Variants in B3GALNT2 observed in about 807,000 individuals in gnomAD.
B3GALNT2 encodes the protein UDP-GalNAc:beta-1,3-N-acetylgalactosaminyltransferase 2.
A neutral mutation model predicts 61.1 loss-of-function variants in B3GALNT2; 53 were observed. The ratio of observed to expected loss-of-function variants is 0.87; its 90% CI spans 0.70 to 1.09. The LOEUF is 1.09. Among genes scored for constraint, B3GALNT2 ranks in the 50% least tolerant of loss-of-function variants. The pLI is 0.00. For synonymous variants in B3GALNT2, 223 were observed against 237.4 expected, an observed-to-expected ratio of 0.94 and a Z score of 0.56; for missense variants, 544 against 623.0, an observed-to-expected ratio of 0.87 and a Z score of 1.35.
At chr1:235,456,992 G>A (rs986291568) in intron 8 of B3GALNT2, among the ~76,000 whole-genome samples, 8 of 152,110 alleles carry the variant, frequency 5.3e-5, no homozygotes, top group Admixed American at 4.6e-4. Flanking sequence ...CTACTCACAG[G>A]ATGAGTCCCA....
At chr1:235,484,209 C>A in intron 4 of B3GALNT2, 113 bp downstream of exon 4, 2 of 1,401,968 alleles carry the variant, frequency 1.4e-6, no homozygotes, top group Non-Finnish European at 1.9e-6. Flanking sequence ...GTGAAAGTCT[C>A]TCAACCAGAG....
In B3GALNT2 at chr1:235,480,143, G is replaced by C. The variant is rs1684491127; in HGVS notation, c.562C>G (p.Leu188Val). Residue 188 changes from leucine to valine, a missense_variant, in exon 5 of 12, where the codon CTC becomes GTC. Coordinates refer to ENST00000366600, the MANE Select transcript of B3GALNT2 (RefSeq NM_152490.5). ...GGAGGACTGAAGCGAGCAATGAAGAGGGCCTCCTACAAATTGGGAGAAAAA... is the reference window on the plus strand; with the variant it reads ...GGAGGACTGAAGCGAGCAATGAAGACGGCCTCCTACAAATTGGGAGAAAAA... Reference protein sequence around the residue: ...KLYQAEQEEALFIARFSPPSC... With the variant: ...KLYQAEQEEAVFIARFSPPSC... The C allele has an allele frequency of 1.2e-6, 2 of 1,613,494 alleles. No individual in the cohort carries two copies. Among genetic ancestry groups the C allele is most frequent in the South Asian group, 2.2e-5 (2 of 91,062 alleles).
chr1:235,481,274 A>C (rs191690385), intron 4 of B3GALNT2, among the ~76,000 whole-genome samples: 3 of 152,338 alleles, frequency 2.0e-5, no homozygotes, highest in African/African-American at 7.2e-5. Context: ...GGCAACTAGA[A>C]GTTATATCGA....
chr1:235,482,545 T>G (rs947337425), intron 4 of B3GALNT2, among the ~76,000 whole-genome samples: 5 of 152,040 alleles, frequency 3.3e-5, no homozygotes, highest in African/African-American at 4.8e-5. Context: ...ATTTTAGCTG[T>G]TTCTCACTGC....
intron 4 of B3GALNT2, among the ~76,000 whole-genome samples, chr1:235,484,094 G>A (rs1684682903): frequency 6.6e-6 from 1 of 152,112 alleles, no homozygotes; most frequent in Non-Finnish European, 1.5e-5. Flanking sequence ...TTCTAATCTA[G>A]TCAACTCCTT....
At chr1:235,497,740 G>A (rs183474361) in intron 1 of B3GALNT2, among the ~76,000 whole-genome samples, 10 of 152,068 alleles carry the variant, frequency 6.6e-5, no homozygotes, top group Admixed American at 2.6e-4. Flanking sequence ...TGCTCAGTTC[G>A]GTCTGTTTTT....
intron 1 of B3GALNT2, among the ~76,000 whole-genome samples, chr1:235,498,963 G>A (rs1170375458): frequency 6.6e-6 from 1 of 150,864 alleles, no homozygotes; most frequent in Non-Finnish European, 1.5e-5. Context: ...ATTTAGAATG[G>A]TGTAACTTTG....
rs747389723 is a variant in B3GALNT2 at position 235,450,303 on chromosome 1, C to T, written c.1406G>A (p.Gly469Glu). The change falls in exon 12 of 12, where the codon GGA becomes GAA. Residue 469 changes from glycine to glutamate, a missense_variant. Transcript: ENST00000366600. ...AGAATACTGAGGAGAAGACAGCATT[C>T]CTGTCTCACAGGTCTTCTCACACAG... The part of the protein sequence containing the change: ...LWLCEKTCET[G>E]MLSSPQYSPW... The T allele has an allele frequency of 1.2e-6, 2 of 1,613,574 alleles. No homozygotes were observed. The highest frequency in any genetic ancestry group is 2.2e-5 in the South Asian group (2 of 91,060).
At chr1:235,443,091 C>G (rs886323993), downstream of B3GALNT2, 10 of 658,100 alleles carry the variant, frequency 1.5e-5, no homozygotes, top group African/African-American at 1.8e-4. Flanking sequence ...CCCCATGCCC[C>G]CAAAAGTTCA....
At chr1:235,464,863 T>A (rs1001763052) in intron 7 of B3GALNT2, 1 of 152,192 alleles carries the variant, frequency 6.6e-6, no homozygotes, top group South Asian at 2.1e-4. Flanking sequence ...CGAATAAAAA[T>A]CACAATGAAA....
chr1:235,461,836 C>T (rs989311390), intron 7 of B3GALNT2, among the ~76,000 whole-genome samples: 1 of 152,146 alleles, frequency 6.6e-6, no homozygotes, highest in African/African-American at 2.4e-5. Context: ...TTTAGACTTA[C>T]AATTTTTGGA....
At chr1:235,475,981 C>T (rs1030301878) in intron 5 of B3GALNT2, among the ~76,000 whole-genome samples, 1 of 152,028 alleles carries the variant, frequency 6.6e-6, no homozygotes, top group East Asian at 1.9e-4. Context: ...TGAGACACCA[C>T]ACGTGGCCTG....
Position 235,448,006 on chromosome 1 carries a change from C to G in B3GALNT2, c.*2200G>C, listed in dbSNP as rs947563144. 2.0e-5 allele frequency among the ~76,000 whole-genome samples: 3 copies of G among 151,952 alleles called. No individual in the cohort carries two copies. The highest frequency in any genetic ancestry group is 4.4e-5 in the Non-Finnish European group (3 of 67,984). ...CGGGCGGATCACGAGGTCAGGAGTT[C>G]AAGACCAGCCTGGCCAACATGGTGA... On this transcript the variant is annotated 3_prime_UTR_variant, in exon 12 of 12. Transcript: ENST00000366600.
At position 235,450,222 on chromosome 1, in the gene B3GALNT2, C is replaced by T. The variant is rs111541487; in HGVS notation, c.1487G>A (p.Arg496Gln). The T allele has an allele frequency of 4.6e-5, 74 of 1,614,102 alleles. 3 individuals carry two copies. The African/African-American group carries it at 6.3e-4, about 14-fold the overall frequency. ...AAGTCCCTGTTATCTTGCTTGACAT[C>T]GACAAGGATCACCGCACCGTTCCTT... ...KLKERCGDPC[R>Q]CQAR Residue 496 changes from arginine to glutamine, a missense_variant, in exon 12 of 12, where the codon CGA (arginine) becomes CAA (glutamine). Arg to Gln is a conservative substitution (Grantham distance 43, BLOSUM62 1). Coordinates refer to ENST00000366600, the MANE Select transcript of B3GALNT2 (RefSeq NM_152490.5).
chr1:235,448,877 C>T lies in B3GALNT2; in HGVS notation c.*1329G>A. On this transcript the variant is annotated 3_prime_UTR_variant, in exon 12 of 12. Transcript: ENST00000366600. ...AAAACAAAGGGGGTTTACAACTTGT[C>T]CTAAGTATAACAAGGGATGTATTTT... 2.5e-6 allele frequency: 2 copies of T among 808,340 alleles called. No individual in the cohort carries two copies. Among genetic ancestry groups the T allele is most frequent in the Non-Finnish European group, 4.2e-6 (2 of 479,924 alleles). The allele number at this position is 808,340 out of a possible 1,614,324, so 50.1% of individuals were successfully genotyped here.
At chr1:235,440,136 A>G in the B3GALNT2 span, among the ~76,000 whole-genome samples, 1 of 151,638 alleles carries the variant, frequency 6.6e-6, no homozygotes, top group Non-Finnish European at 1.5e-5. Context: ...ACACCCGGCT[A>G]ATTTTTTGTA....
chr1:235,462,711 A>T (rs1000764731), intron 7 of B3GALNT2, among the ~76,000 whole-genome samples: 1 of 152,250 alleles, frequency 6.6e-6, no homozygotes, highest in African/African-American at 2.4e-5. Context: ...AGGAAATTTA[A>T]TAAGACATGG....
chr1:235,504,160 GGCGCAGGCGGGCGGCGGGGA>G lies in B3GALNT2; in HGVS notation c.73_92del (p.Ser25LeufsTer21), dbSNP rs1685723658. 7.7e-7 allele frequency: 1 copy of G among 1,290,668 alleles called. No individual in the cohort carries two copies. 80.0% of individuals were successfully genotyped at this position (1,290,668 alleles called of 1,614,324 possible). On this transcript the variant is annotated frameshift_variant, in exon 1 of 12. Coordinates refer to ENST00000366600, the MANE Select transcript of B3GALNT2 (RefSeq NM_152490.5). LOFTEE classifies it high-confidence loss of function. ...CCTCACCTGCAGGGCCGGCCCCGGA[GGCGCAGGCGGGCGGCGGGGA>G]GCGCAGCCGCAGCCAGAGGTGCAGC...
intron 2 of B3GALNT2, among the ~76,000 whole-genome samples, chr1:235,493,974 A>G (rs1685195054): frequency 6.6e-6 from 1 of 152,194 alleles, no homozygotes; most frequent in Admixed American, 6.5e-5. Flanking sequence ...AGAACAGACT[A>G]AGGCTTTGGG....
Sources: gnomAD v4.1 joint callset for allele counts (sites outside exome capture counted in the v4.1 genomes callset) on GRCh38, gnomAD v4.1.1 for gene constraint, MANE v1.5 for transcripts, NCBI Gene and HGNC (gene_info 2026-07-23, HGNC 2026-07-21) for gene names.